Variants in AK4 observed in about 807,000 individuals in gnomAD.
The protein encoded by AK4 is adenylate kinase 4, mitochondrial.
In AK4, 13 loss-of-function variants were observed where a neutral mutation model predicts 24.6. That is an observed-to-expected ratio of 0.53 (90% confidence interval 0.34 to 0.84). The LOEUF is 0.84. Among genes scored for constraint, AK4 ranks in the 40% least tolerant of loss-of-function variants. The pLI is 0.01. For missense variants in AK4, 192 were observed against 288.2 expected, an observed-to-expected ratio of 0.67 and a Z score of 2.42; for synonymous variants, 88 against 107.0, an observed-to-expected ratio of 0.82 and a Z score of 1.10.
chr1:65,218,646 C>T, intron 2 of AK4, 108 bp from the exon 3 acceptor site: 1 of 1,118,498 alleles, frequency 8.9e-7, no homozygotes, highest in Non-Finnish European at 1.2e-6. Context: ...TGTAAAGCTC[C>T]TTTTAGAATG....
chr1:65,202,861 G>A (rs945763118), intron 2 of AK4, among the ~76,000 whole-genome samples: 2 of 102,956 alleles, frequency 1.9e-5, no homozygotes, highest in African/African-American at 3.7e-5. Flanking sequence ...AAGCTGCTGT[G>A]TAGTCTTTTT....
At chr1:65,211,522 A>T (rs1332642513) in intron 2 of AK4, among the ~76,000 whole-genome samples, 1 of 152,220 alleles carries the variant, frequency 6.6e-6, no homozygotes, top group African/African-American at 2.4e-5. Context: ...GATTGTAGAG[A>T]CAAATAGCAC....
intron 1 of AK4, among the ~76,000 whole-genome samples, chr1:65,158,511 T>G (rs1650049670): frequency 6.6e-6 from 1 of 152,216 alleles, no homozygotes; most frequent in Non-Finnish European, 1.5e-5. Flanking sequence ...TAGATTTTTT[T>G]TTTCTTTGAG....
intron 1 of AK4, among the ~76,000 whole-genome samples, chr1:65,166,627 ATCCTCCCACCTC>A: frequency 1.3e-5 from 2 of 152,022 alleles, no homozygotes; most frequent in African/African-American, 2.4e-5. Flanking sequence ...GACTCTAGCA[ATCCTCCCACCTC>A]CGTTTCCCAT....
At chr1:65,206,549 C>G (rs989657721) in intron 2 of AK4, among the ~76,000 whole-genome samples, 7 of 152,348 alleles carry the variant, frequency 4.6e-5, no homozygotes, top group African/African-American at 1.7e-4. Context: ...GCCTGGTTAA[C>G]AAAGCCAGAC....
chr1:65,169,571 G>A (rs186312677), intron 1 of AK4, among the ~76,000 whole-genome samples: 1 of 152,298 alleles, frequency 6.6e-6, no homozygotes, highest in Non-Finnish European at 1.5e-5. Context: ...TATATTGACA[G>A]CCTGGCCAGG....
intron 1 of AK4, among the ~76,000 whole-genome samples, chr1:65,159,919 G>A (rs1318755030): frequency 6.9e-6 from 1 of 144,188 alleles, no homozygotes; most frequent in African/African-American, 2.6e-5. Context: ...AGTGAGCCAA[G>A]ATCGTGCCAC....
chr1:65,202,152 A>G (rs377325521), intron 2 of AK4, among the ~76,000 whole-genome samples: 4 of 152,114 alleles, frequency 2.6e-5, no homozygotes, highest in East Asian at 3.9e-4. Flanking sequence ...AATCCTAGCA[A>G]TTTAGGAGGC....
At chr1:65,183,685 G>A (rs1377097749) in intron 1 of AK4, among the ~76,000 whole-genome samples, 1 of 147,776 alleles carries the variant, frequency 6.8e-6, no homozygotes, top group African/African-American at 2.6e-5. Flanking sequence ...GTGTGTGTGT[G>A]TGTGTGTGTA....
chr1:65,181,586 C>T (rs1224614483), intron 1 of AK4, among the ~76,000 whole-genome samples: 2 of 152,026 alleles, frequency 1.3e-5, no homozygotes, highest in Non-Finnish European at 2.9e-5. Flanking sequence ...GGGGATTCGC[C>T]ATTGTTGGCC....
intron 2 of AK4, among the ~76,000 whole-genome samples, chr1:65,206,588 C>T (rs1432849465): frequency 6.6e-6 from 1 of 152,234 alleles, no homozygotes; most frequent in African/African-American, 2.4e-5. Flanking sequence ...TGTGCACGTG[C>T]GTGCGCACAC....
intron 1 of AK4, among the ~76,000 whole-genome samples, chr1:65,151,063 C>T (rs954409913): frequency 1.3e-5 from 2 of 152,244 alleles, no homozygotes; most frequent in Admixed American, 1.3e-4. Flanking sequence ...AAGCGATTCT[C>T]TTGCTTCAGC....
At chr1:65,214,488 A>G (rs1330234230) in intron 2 of AK4, among the ~76,000 whole-genome samples, 2 of 152,102 alleles carry the variant, frequency 1.3e-5, no homozygotes, top group Non-Finnish European at 2.9e-5. Flanking sequence ...AAACTTGCCA[A>G]AGTTCTCACA....
At chr1:65,171,959 G>T (rs989173214) in intron 1 of AK4, among the ~76,000 whole-genome samples, 1 of 150,528 alleles carries the variant, frequency 6.6e-6, no homozygotes, top group African/African-American at 2.4e-5. Context: ...CTACTCGGGA[G>T]GCTGAGGCTT....
rs547071942 is a variant in AK4 at position 65,176,896 on chromosome 1, A to G, written c.146-13814A>G. On this transcript the variant is annotated intron_variant, in intron 1 of 4. Coordinates refer to ENST00000327299, the MANE Select transcript of AK4 (RefSeq NM_013410.4). ...CCATTCCAGTATTTCAGTGTTTTTA[A>G]AAAGGTATTGTCCCTTGATAAAATG... Among the ~76,000 whole-genome samples the G allele has an allele frequency of 2.0e-5, 3 of 152,328 alleles. No homozygotes were observed. The East Asian group carries it at 5.8e-4, about 29-fold the overall frequency.
intron 1 of AK4, chr1:65,166,087 C>T (rs1280490240): frequency 6.6e-6 from 1 of 152,180 alleles, no homozygotes; most frequent in Non-Finnish European, 1.5e-5. Flanking sequence ...AGGCATAACT[C>T]TGCCTCCACC....
chr1:65,206,622 CA>C (rs1420986620), intron 2 of AK4, among the ~76,000 whole-genome samples: 1 of 152,208 alleles, frequency 6.6e-6, no homozygotes, highest in Non-Finnish European at 1.5e-5. Flanking sequence ...CACACAAAAC[CA>C]ATGTCCAGGT....
intron 1 of AK4, among the ~76,000 whole-genome samples, chr1:65,185,405 T>A (rs1313579435): frequency 1.3e-5 from 2 of 152,148 alleles, no homozygotes; most frequent in African/African-American, 4.8e-5. Flanking sequence ...TCACGCTCCA[T>A]ATCCTGCCCA....
At chr1:65,218,629 C>A in intron 2 of AK4, 125 bp from the exon 3 acceptor site, 1 of 876,276 alleles carries the variant, frequency 1.1e-6, no homozygotes, top group Non-Finnish European at 1.6e-6. Flanking sequence ...TCCCATCACC[C>A]AGATAGTGTA....
Sources: allele counts gnomAD v4.1 joint callset (sites outside exome capture counted in the v4.1 genomes callset), GRCh38; gene constraint gnomAD v4.1.1; transcripts MANE v1.5; gene names NCBI Gene and HGNC (gene_info 2026-07-23, HGNC 2026-07-21).